The following RBM27 variants were observed in gnomAD, a reference collection of about 807,000 sequenced individuals.
The protein encoded by RBM27 is RNA binding motif protein 27.
Under a neutral mutation model 135.3 loss-of-function variants are expected in RBM27, and 22 were observed. The observed-to-expected ratio is 0.16, with a 90% confidence interval of 0.12 to 0.23. The LOEUF is 0.23. Ranked by LOEUF, RBM27 falls within the 10% of genes least tolerant of loss-of-function variation. RBM27 has a pLI of 1.00. For synonymous variants in RBM27, 481 were observed against 442.4 expected, an observed-to-expected ratio of 1.09 and a Z score of -1.10; for missense variants, 1,009 against 1,281.0, an observed-to-expected ratio of 0.79 and a Z score of 3.24.
At position 146,211,567 on chromosome 5, in the gene RBM27, C is replaced by T. The variant is rs184579379; in HGVS notation, c.60-7418C>T. Among the ~76,000 whole-genome samples the T allele has an allele frequency of 2.2e-3, 322 of 148,928 alleles. 2 individuals are homozygous for T. The highest frequency in any genetic ancestry group is 3.0e-3 in the Non-Finnish European group (205 of 67,476). ...CATGATCTCGGCTCACCACAACCTCCGCCTCCTGGGTTCAAGCTATTATCC... is the reference window on the plus strand; with the variant it reads ...CATGATCTCGGCTCACCACAACCTCTGCCTCCTGGGTTCAAGCTATTATCC... On this transcript the variant is annotated intron_variant, in intron 1 of 20. Transcript: ENST00000265271.
intron 14 of RBM27, among the ~76,000 whole-genome samples, chr5:146,266,234 AG>A (rs1243779507): frequency 3.3e-5 from 5 of 152,346 alleles, no homozygotes; most frequent in Admixed American, 3.3e-4. Flanking sequence ...TGGGGGACAG[AG>A]GGACATCTTC....
At chr5:146,245,276 C>T (rs1448212562) in intron 8 of RBM27, 2 of 152,108 alleles carry the variant, frequency 1.3e-5, no homozygotes, top group East Asian at 3.8e-4. Context: ...TTGAACTCAC[C>T]AACTCAGTAT....
chr5:146,270,925 A>G, intron 17 of RBM27, 29 bp from the exon 18 acceptor site: 1 of 1,449,996 alleles, frequency 6.9e-7, no homozygotes, highest in African/African-American at 1.4e-5. Context: ...TATCTAAAAA[A>G]TACCTTTTTA....
intron 8 of RBM27, among the ~76,000 whole-genome samples, chr5:146,248,225 C>G (rs1757715609): frequency 2.1e-5 from 3 of 140,550 alleles, no homozygotes. Flanking sequence ...TTCATGTTGG[C>G]TTCTGCTAGT....
In RBM27 at chr5:146,258,511, A is replaced by G. The variant is rs752182209; in HGVS notation, c.1657A>G (p.Arg553Gly). The part of the protein sequence containing the change: ...VPVSINSNIT[R>G]VVLEPDSRKR... ...TGTTTCGATTAATAGCAACATAACC[A>G]GAGTAGTTCTTGAACCAGATAGTCG... Residue 553 changes from arginine (R) to glycine (G), a missense_variant, in exon 11 of 21, where the codon AGA (arginine) becomes GGA (glycine). By Grantham distance (125) the Arg-to-Gly change is moderately radical. This residue lies in a region of RBM27 where 329 missense variants were observed against 368.1 expected (regional missense o/e 0.89). Transcript: ENST00000265271. 1 of 1,604,794 alleles carries G rather than the reference A, an allele frequency of 6.2e-7. No homozygotes were observed. The highest frequency in any genetic ancestry group is 1.1e-5 in the South Asian group (1 of 89,896).
chr5:146,260,726 G>A lies in RBM27; in HGVS notation c.1740-19G>A, dbSNP rs1270321170. 5 of 1,585,402 alleles carry A rather than the reference G, an allele frequency of 3.2e-6. No individual in the cohort carries two copies. The highest frequency in any genetic ancestry group is 1.8e-5 in the Admixed American group (1 of 55,608). On this transcript the variant is annotated intron_variant, in intron 11 of 20. Coordinates refer to ENST00000265271, the MANE Select transcript of RBM27 (RefSeq NM_018989.2). Reference sequence around the variant, plus strand: ...ATGAAGTAGGAGAATTAACCAAGATGTATTAATCTTCCTTTTAGGCAAGGA... The same window carrying A: ...ATGAAGTAGGAGAATTAACCAAGATATATTAATCTTCCTTTTAGGCAAGGA...
At chr5:146,226,481 C>T (rs931541889) in intron 3 of RBM27, among the ~76,000 whole-genome samples, 19 of 152,122 alleles carry the variant, frequency 1.2e-4, no homozygotes, top group African/African-American at 4.3e-4. Context: ...TGGATTCAAG[C>T]GATTCTCCTG....
chr5:146,208,049 C>T (rs1322754839), intron 1 of RBM27, among the ~76,000 whole-genome samples: 44 of 143,628 alleles, frequency 3.1e-4, no homozygotes, highest in Non-Finnish European at 1.4e-4. Context: ...TTCTGCCTCC[C>T]GGGTTCAAGC....
intron 8 of RBM27, among the ~76,000 whole-genome samples, chr5:146,248,926 A>G (rs538069116): frequency 1.1e-4 from 17 of 152,332 alleles, no homozygotes; most frequent in African/African-American, 3.6e-4. Flanking sequence ...AAGTAGTCAT[A>G]TGGACTAAGA....
intron 14 of RBM27, among the ~76,000 whole-genome samples, chr5:146,264,893 A>T (rs1339942493): frequency 1.3e-5 from 2 of 152,188 alleles, no homozygotes; most frequent in Non-Finnish European, 2.9e-5. Flanking sequence ...ATGACTGGAT[A>T]GCCAGTAGGG....
chr5:146,203,976 G>C (rs555044906), intron 1 of RBM27, 152 bp downstream of exon 1: 236 of 771,918 alleles, frequency 3.1e-4, no homozygotes, highest in Middle Eastern at 1.6e-3. Context: ...TCACCATTGT[G>C]GTGGGGGTGA....
chr5:146,267,760 A>G lies in RBM27; in HGVS notation c.2443A>G (p.Lys815Glu). ...TCATGATGTTCAAGAAGTGCTTAAA[A>G]AAAAACAGGTAACAGTCTTGATTCT... ...KSHDVQEVLK[K>E]KQEAMKLQQD... Residue 815 changes from lysine to glutamate, a missense_variant, in exon 15 of 21, where the codon AAA (lysine) becomes GAA (glutamate). By Grantham distance (56) the Lys-to-Glu change is moderately conservative. Coordinates refer to ENST00000265271, the MANE Select transcript of RBM27 (RefSeq NM_018989.2). 6.2e-7 allele frequency: 1 copy of G among 1,602,578 alleles called. No homozygotes were observed. Among genetic ancestry groups the G allele is most frequent in the East Asian group, 2.2e-5 (1 of 44,686 alleles).
Position 146,287,479 on chromosome 5 carries a change from T to A in RBM27, c.*1449T>A, listed in dbSNP as rs1400348323. 5 of 152,174 alleles carry A rather than the reference T, an allele frequency of 3.3e-5. No homozygotes were observed. The highest frequency in any genetic ancestry group is 1.2e-4 in the African/African-American group (5 of 41,448). The allele number at this position is 152,174 out of a possible 1,614,324, so 9.4% of individuals were successfully genotyped here. On this transcript the variant is annotated 3_prime_UTR_variant, in exon 21 of 21. Coordinates refer to ENST00000265271, the MANE Select transcript of RBM27 (RefSeq NM_018989.2). Reference sequence around the variant, plus strand: ...TTCAAGGATATACACATCTGTGTTTTTATATATGTGTGGTATGAAAATTTG... The same window carrying A: ...TTCAAGGATATACACATCTGTGTTTATATATATGTGTGGTATGAAAATTTG...
chr5:146,218,905 A>G, intron 1 of RBM27, 80 bp from the exon 2 acceptor site: 1 of 842,264 alleles, frequency 1.2e-6, no homozygotes, highest in African/African-American at 1.7e-5. Flanking sequence ...GTTTTCCAAA[A>G]TAAGGGTGAC....
intron 2 of RBM27, among the ~76,000 whole-genome samples, chr5:146,221,876 A>G (rs1178422437): frequency 7.0e-6 from 1 of 143,044 alleles, no homozygotes; most frequent in Non-Finnish European, 1.6e-5. Flanking sequence ...TTAAGTGAAC[A>G]TACTCTTTTA....
In RBM27 at chr5:146,261,814, G is replaced by C; in HGVS notation, c.2190+8G>C. On this transcript the variant is annotated splice_region_variant and intron_variant, in intron 13 of 20. Coordinates refer to ENST00000265271, the MANE Select transcript of RBM27 (RefSeq NM_018989.2). The stretch of plus-strand genomic sequence containing the variant: ...CACGGAGGTATCCAGAAGGTAATCT[G>C]GTTCACTGGGAATTAAAGGTCTTTT... 1 of 1,613,728 alleles carries C rather than the reference G, an allele frequency of 6.2e-7. No homozygotes were observed. The highest frequency in any genetic ancestry group is 8.5e-7 in the Non-Finnish European group (1 of 1,179,724).
chr5:146,207,552 T>C (rs1297404854), intron 1 of RBM27, among the ~76,000 whole-genome samples: 10 of 152,008 alleles, frequency 6.6e-5, no homozygotes, highest in Admixed American at 6.6e-4. Flanking sequence ...CTTATTTAGC[T>C]TAGTTTACAG....
chr5:146,243,204 T>G (rs1210533924), intron 8 of RBM27, among the ~76,000 whole-genome samples: 2 of 152,076 alleles, frequency 1.3e-5, no homozygotes, highest in African/African-American at 4.8e-5. Flanking sequence ...AGGCAGAGGT[T>G]GCAGTGAGCT....
intron 16 of RBM27, 55 bp from the exon 17 acceptor site, chr5:146,269,365 T>C: frequency 6.7e-7 from 1 of 1,483,254 alleles, no homozygotes; most frequent in Admixed American, 2.2e-5. Flanking sequence ...TTTAAAGACT[T>C]CTTTATATTA....
Sources: gnomAD v4.1 joint callset for allele counts (sites outside exome capture counted in the v4.1 genomes callset) on GRCh38, gnomAD v4.1.1 for gene constraint, gnomAD v4.1.1 regional missense constraint, MANE v1.5 for transcripts, NCBI Gene and HGNC (gene_info 2026-07-23, HGNC 2026-07-21) for gene names.